The following MYO1B variants were observed in gnomAD, a reference collection of about 807,000 sequenced individuals.
MYO1B encodes unconventional myosin-Ib.
MYO1B carries 72 observed loss-of-function variants against 159.7 expected under a neutral mutation model. That is an observed-to-expected ratio of 0.45 (90% confidence interval 0.37 to 0.55). MYO1B has a LOEUF of 0.55. Among genes scored for constraint, MYO1B ranks in the 20% least tolerant of loss-of-function variants. The pLI is 0.00. For synonymous variants in MYO1B, 468 were observed against 473.8 expected, an observed-to-expected ratio of 0.99 and a Z score of 0.16; for missense variants, 1,062 against 1,364.8, an observed-to-expected ratio of 0.78 and a Z score of 3.50.
chr2:191,374,754 TG>T (rs1694593889), intron 13 of MYO1B, among the ~76,000 whole-genome samples: 1 of 152,218 alleles, frequency 6.6e-6, no homozygotes, highest in African/African-American at 2.4e-5. Context: ...CTGTACATCC[TG>T]GTAGAACAGA....
intron 27 of MYO1B, among the ~76,000 whole-genome samples, chr2:191,412,326 T>C (rs1434689255): frequency 6.6e-6 from 1 of 152,274 alleles, no homozygotes; most frequent in South Asian, 2.1e-4. Context: ...TTCCTGTGGA[T>C]GACTCTTCAG....
At chr2:191,298,786 T>C (rs991078854) in intron 3 of MYO1B, among the ~76,000 whole-genome samples, 1 of 152,208 alleles carries the variant, frequency 6.6e-6, no homozygotes, top group Non-Finnish European at 1.5e-5. Flanking sequence ...ATAGGCACTA[T>C]TACAAATGGG....
chr2:191,401,640 G>A (rs1294693199), intron 23 of MYO1B: 2 of 152,198 alleles, frequency 1.3e-5, no homozygotes, highest in Non-Finnish European at 2.9e-5. Context: ...GTGTTTTGAA[G>A]TCCACCTTGT....
Position 191,329,956 on chromosome 2 carries a change from A to G in MYO1B, c.273A>G (p.Ala91=), listed in dbSNP as rs747897054. The G allele has an allele frequency of 8.7e-6, 14 of 1,612,436 alleles. No individual in the cohort carries two copies. The African/African-American group carries it at 1.6e-4, about 18-fold the overall frequency. ...SPHIFALSDE[A]YRSLRDQDKD... ...GCAGCTTTGCCCTTTCGGATGAAGC[A>G]TACAGATCCCTACGAGATCAAGATA... Residue 91 remains alanine, a synonymous_variant, in exon 4 of 31, where the codon GCA becomes GCG. Transcript: ENST00000392318.
At chr2:191,339,343 T>TA (rs1279611843) in intron 4 of MYO1B, among the ~76,000 whole-genome samples, 1 of 152,158 alleles carries the variant, frequency 6.6e-6, no homozygotes, top group African/African-American at 2.4e-5. Context: ...GTATATAAAG[T>TA]CTTTGTCTGT....
intron 6 of MYO1B, among the ~76,000 whole-genome samples, chr2:191,349,733 A>G (rs1430252848): frequency 6.6e-6 from 1 of 152,218 alleles, no homozygotes; most frequent in African/African-American, 2.4e-5. Context: ...GAACGTTTCA[A>G]TTCATTTACT....
intron 20 of MYO1B, among the ~76,000 whole-genome samples, chr2:191,394,337 G>T (rs1005991711): frequency 6.6e-6 from 1 of 152,050 alleles, no homozygotes; most frequent in Non-Finnish European, 1.5e-5. Flanking sequence ...ATAATGCTCC[G>T]TTTTCTGTTA....
At chr2:191,313,161 A>G (rs1369667122) in intron 3 of MYO1B, among the ~76,000 whole-genome samples, 1 of 113,058 alleles carries the variant, frequency 8.8e-6, no homozygotes, top group Non-Finnish European at 1.8e-5. Context: ...AGCTGCTTCT[A>G]TATTGTAGTT....
intron 13 of MYO1B, among the ~76,000 whole-genome samples, chr2:191,376,908 G>A (rs980657022): frequency 1.3e-5 from 2 of 152,160 alleles, no homozygotes; most frequent in African/African-American, 2.4e-5. Context: ...TTGCTAAGGA[G>A]AATATACAAA....
rs114389383 is a variant in MYO1B at position 191,367,574 on chromosome 2, T to C, written c.1033-1968T>C. Among the ~76,000 whole-genome samples, 932 of 152,256 alleles carry C rather than the reference T, an allele frequency of 6.1e-3. 6 individuals are homozygous for C. The highest frequency in any genetic ancestry group is 7.0e-3 in the Non-Finnish European group (474 of 68,004). Reference sequence around the variant, plus strand: ...GGCTGTGAATACACTTTAAAAAATATAAAGCAATTTATCAGAATAAATTGT... The same window carrying C: ...GGCTGTGAATACACTTTAAAAAATACAAAGCAATTTATCAGAATAAATTGT... On this transcript the variant is annotated intron_variant, in intron 11 of 30. Transcript: ENST00000392318.
chr2:191,420,404 C>T (rs1697864289), intron 30 of MYO1B, among the ~76,000 whole-genome samples: 1 of 152,104 alleles, frequency 6.6e-6, no homozygotes, highest in South Asian at 2.1e-4. Flanking sequence ...GCCTGCAAGC[C>T]CCATTCATGG....
intron 14 of MYO1B, among the ~76,000 whole-genome samples, chr2:191,382,887 C>G (rs1695125854): frequency 6.6e-6 from 1 of 152,146 alleles, no homozygotes; most frequent in Non-Finnish European, 1.5e-5. Flanking sequence ...ACAGAAGAAT[C>G]TAGGCTTTAA....
chr2:191,320,794 T>G (rs1690660667), intron 3 of MYO1B, among the ~76,000 whole-genome samples: 1 of 151,992 alleles, frequency 6.6e-6, no homozygotes, highest in Non-Finnish European at 1.5e-5. Flanking sequence ...AACCAAAGCT[T>G]GAAGAAGTTG....
At chr2:191,260,109 C>T (rs545829255) in intron 1 of MYO1B, among the ~76,000 whole-genome samples, 7 of 151,950 alleles carry the variant, frequency 4.6e-5, no homozygotes, top group East Asian at 1.9e-4. Flanking sequence ...AAGGAGTGTC[C>T]GGAGGTGGGA....
intron 30 of MYO1B, among the ~76,000 whole-genome samples, chr2:191,420,000 A>T (rs949635213): frequency 1.3e-5 from 2 of 152,134 alleles, no homozygotes; most frequent in Admixed American, 6.5e-5. Context: ...TAGGAGTTCA[A>T]TACCAGCCTG....
intron 15 of MYO1B, among the ~76,000 whole-genome samples, chr2:191,383,698 G>A (rs1559220510): frequency 2.0e-5 from 3 of 151,478 alleles, no homozygotes; most frequent in Admixed American, 1.3e-4. Context: ...ACCCTTTTAT[G>A]ACCTTCAGAC....
At chr2:191,415,085 C>T (rs947841066) in intron 29 of MYO1B, among the ~76,000 whole-genome samples, 3 of 152,170 alleles carry the variant, frequency 2.0e-5, no homozygotes, top group African/African-American at 7.2e-5. Flanking sequence ...GGACTCCTGG[C>T]TTGGATGCAG....
chr2:191,302,733 C>T (rs1689413089), intron 3 of MYO1B, among the ~76,000 whole-genome samples: 1 of 152,196 alleles, frequency 6.6e-6, no homozygotes, highest in African/African-American at 2.4e-5. Flanking sequence ...GCATTGCAGT[C>T]ACAAGGTGAA....
At chr2:191,378,092 A>G in intron 13 of MYO1B, among the ~76,000 whole-genome samples, 1 of 152,008 alleles carries the variant, frequency 6.6e-6, no homozygotes, top group Non-Finnish European at 1.5e-5. Context: ...CTCCAGGAGA[A>G]TACTCTCTCC....
Sources: allele counts gnomAD v4.1 joint callset (sites outside exome capture counted in the v4.1 genomes callset), GRCh38; gene constraint gnomAD v4.1.1; transcripts MANE v1.5; gene names NCBI Gene and HGNC (gene_info 2026-07-23, HGNC 2026-07-21).